Variants in MAN2A2 observed in about 807,000 individuals in gnomAD.
MAN2A2 encodes mannosidase alpha class 2A member 2.
A neutral mutation model predicts 126.8 loss-of-function variants in MAN2A2; 79 were observed. The ratio of observed to expected loss-of-function variants is 0.62; its 90% confidence interval spans 0.52 to 0.75. MAN2A2 has a LOEUF of 0.75. Ranked by LOEUF, MAN2A2 falls within the 30% of genes least tolerant of loss-of-function variation. The probability of loss-of-function intolerance (pLI) is 0.00; values close to 1 mark genes in which losing one functional copy is unlikely to be tolerated. For synonymous variants in MAN2A2, 671 were observed against 618.7 expected, an observed-to-expected ratio of 1.08 and a Z score of -1.25; for missense variants, 1,392 against 1,522.4, an observed-to-expected ratio of 0.91 and a Z score of 1.43.
rs776084626 is a variant in MAN2A2, at chr15:90,912,478, C to G, written c.2347-64C>G. 1.9e-6 allele frequency: 3 copies of G among 1,600,178 alleles called. No homozygotes were observed. The Admixed American group carries it at 5.3e-5, about 28-fold the overall frequency. ...CTCCTTGGGGAAGCTATTCCGTGTC[C>G]TCCCAGGAGGCAGGCCTGACATGCT... On this transcript the variant is annotated intron_variant, in intron 15 of 22. Transcript: ENST00000559717.
Position 90,921,540 on chromosome 15 carries a change from A to C in MAN2A2, c.*1753A>C, listed in dbSNP as rs957970140. The C allele has an allele frequency of 1.3e-5, 2 of 152,220 alleles. No individual in the cohort carries two copies. The highest frequency in any genetic ancestry group is 4.8e-5 in the African/African-American group (2 of 41,442). 9.4% of individuals were successfully genotyped at this position (152,220 alleles called of 1,614,324 possible). The stretch of plus-strand genomic sequence containing the variant: ...CAGAAACAGACCCAGGGCTACAGGA[A>C]TTTAGTATATGGTAAGAGGGATGTT... On this transcript the variant is annotated 3_prime_UTR_variant, in exon 23 of 23. Transcript: ENST00000559717.
chr15:90,916,561 C>G (rs1405527261), intron 20 of MAN2A2: 2 of 1,390,582 alleles, frequency 1.4e-6, no homozygotes, highest in Non-Finnish European at 9.5e-7. Context: ...CCCCGCTCAT[C>G]TCATGGCTTT....
chr15:90,916,332 C>G (rs1212423344), intron 20 of MAN2A2, 76 bp downstream of exon 20: 39 of 1,543,282 alleles, frequency 2.5e-5, no homozygotes, highest in Non-Finnish European at 3.4e-5. Flanking sequence ...CAGCCTAGGG[C>G]TCGAGGAGCG....
intron 9 of MAN2A2, 104 bp downstream of exon 9, chr15:90,909,608 T>G: frequency 1.2e-6 from 1 of 819,524 alleles, no homozygotes; most frequent in South Asian, 2.8e-5. Flanking sequence ...TGCCCCCCTT[T>G]TTTTTTTTTT....
rs1445602642 is a variant in MAN2A2 at position 90,905,724 on chromosome 15, G to C, written c.535+1G>C. The C allele has an allele frequency of 1.2e-6, 2 of 1,613,920 alleles. No individual in the cohort carries two copies. Among genetic ancestry groups the C allele is most frequent in the African/African-American group, 2.7e-5 (2 of 75,036 alleles). Reference sequence around the variant, plus strand: ...GTGCCCCACTCTCACAATGACCCAGGTGAGGGCCCTGCAGACTCCTGGGAG... The same window carrying C: ...GTGCCCCACTCTCACAATGACCCAGCTGAGGGCCCTGCAGACTCCTGGGAG... On this transcript the variant is annotated splice_donor_variant, in intron 4 of 22. Transcript: ENST00000559717. LOFTEE classifies it high-confidence loss of function.
At chr15:90,906,057 G>A (rs1369723524) in intron 5 of MAN2A2, 41 bp downstream of exon 5, 2 of 1,611,430 alleles carry the variant, frequency 1.2e-6, no homozygotes, top group African/African-American at 1.3e-5. Flanking sequence ...CATTGTCTGA[G>A]CCCCAGGCTG....
At chr15:90,916,687 A>C in intron 20 of MAN2A2, 1 of 1,290,058 alleles carries the variant, frequency 7.8e-7, no homozygotes, top group Non-Finnish European at 1.0e-6. Context: ...GGAGCGGGGA[A>C]CTAGTACGAG....
Position 90,904,181 on chromosome 15 carries a change from TC to T in MAN2A2, c.-18-7del, listed in dbSNP as rs747049723. 5 of 1,614,112 alleles carry T rather than the reference TC, an allele frequency of 3.1e-6. No individual in the cohort carries two copies. The East Asian group carries it at 1.1e-4, about 36-fold the overall frequency. ...ATGTTGGAGCTACAGATGGTGTCCTTCCTGCCAGGTGTGTGTGGAGGCCAGT... is the reference window on the plus strand; with the variant it reads ...ATGTTGGAGCTACAGATGGTGTCCTTCTGCCAGGTGTGTGTGGAGGCCAGT... On this transcript the variant is annotated splice_region_variant and splice_polypyrimidine_tract_variant and intron_variant, in intron 1 of 22. Transcript: ENST00000559717.
chr15:90,910,869 C>T lies in MAN2A2; in HGVS notation c.1783C>T (p.Leu595=). 6.2e-7 allele frequency: 1 copy of T among 1,614,154 alleles called. No individual in the cohort carries two copies. Among genetic ancestry groups the T allele is most frequent in the Admixed American group, 1.7e-5 (1 of 60,012 alleles). Residue 595 remains leucine (L), a synonymous_variant, in exon 12 of 23, where the codon CTG becomes TTG. Coordinates refer to ENST00000559717, the MANE Select transcript of MAN2A2 (RefSeq NM_006122.4). ...GVRLLRSLVN[L]KQVIIHAAHY... ...CAGGCTTCTGCGCTCCCTTGTCAACCTGAAGCAGGTCATCATTCATGCAGC... is the reference window on the plus strand; with the variant it reads ...CAGGCTTCTGCGCTCCCTTGTCAACTTGAAGCAGGTCATCATTCATGCAGC...
chr15:90,918,259 C>T lies in MAN2A2; in HGVS notation c.3060C>T (p.Asn1020=), dbSNP rs772236341. The change falls in exon 21 of 23, where the codon AAC becomes AAT. Residue 1020 remains asparagine (N), a synonymous_variant. Transcript: ENST00000559717. ...LLSHLTSMYL[N]APALALPVAR... is the part of the protein sequence containing the mutation. ...GCCACCTGACCTCCATGTACCTGAACGCCCCGGCGCTCGCTCTGCCTGTAG... is the reference window on the plus strand; with the variant it reads ...GCCACCTGACCTCCATGTACCTGAATGCCCCGGCGCTCGCTCTGCCTGTAG... 1.7e-5 allele frequency: 27 copies of T among 1,613,854 alleles called. No individual in the cohort carries two copies. Among genetic ancestry groups the T allele is most frequent in the Middle Eastern group, 1.6e-4 (1 of 6,082 alleles).
At chr15:90,919,531 C>T in intron 22 of MAN2A2, 104 bp from the exon 23 acceptor site, 6 of 1,398,744 alleles carry the variant, frequency 4.3e-6, no homozygotes, top group East Asian at 2.3e-5. Flanking sequence ...GAGCCACTGC[C>T]CCTGGCTGAG....
At position 90,918,279 on chromosome 15, in the gene MAN2A2, C is replaced by G. The variant is rs538221656; in HGVS notation, c.3080C>G (p.Pro1027Arg). Residue 1027 changes from proline (P) to arginine (R), a missense_variant, in exon 21 of 23, where the codon CCT becomes CGT. Physicochemically the swap from Pro to Arg is moderately radical, Grantham distance 103. Coordinates refer to ENST00000559717, the MANE Select transcript of MAN2A2 (RefSeq NM_006122.4). ...MYLNAPALAL[P>R]VARMQLPGPG... ...CTGAACGCCCCGGCGCTCGCTCTGC[C>G]TGTAGCCAGGATGCAGCTCCCAGGC... is the stretch of plus-strand genomic sequence containing the variant. 1.9e-6 allele frequency: 3 copies of G among 1,614,106 alleles called. No individual in the cohort carries two copies. The highest frequency in any genetic ancestry group is 1.7e-6 in the Non-Finnish European group (2 of 1,180,040).
chr15:90,912,598 C>T lies in MAN2A2; in HGVS notation c.2403C>T (p.Val801=). The T allele has an allele frequency of 6.2e-7, 1 of 1,614,184 alleles. No individual in the cohort carries two copies. ...AGCAGGTGGACATGCAGGTCCTTGT[C>T]TATGGCACCCGTACGTCCAAAGACA... ...HEQQVDMQVL[V]YGTRTSKDKS... is the part of the protein sequence containing the mutation. The change falls in exon 16 of 23, where the codon GTC becomes GTT. Residue 801 remains valine (V), a synonymous_variant. Transcript: ENST00000559717.
At chr15:90,916,595 T>A in intron 20 of MAN2A2, 1 of 1,334,110 alleles carries the variant, frequency 7.5e-7, no homozygotes, top group Non-Finnish European at 9.8e-7. Flanking sequence ...GCCTGACTTT[T>A]TCTCCAAACT....
chr15:90,906,026 A>G lies in MAN2A2; in HGVS notation c.707+10A>G. 1 of 1,613,422 alleles carries G rather than the reference A, an allele frequency of 6.2e-7. No individual in the cohort carries two copies. Among genetic ancestry groups the G allele is most frequent in the Non-Finnish European group, 8.5e-7 (1 of 1,179,976 alleles). On this transcript the variant is annotated intron_variant, in intron 5 of 22. Coordinates refer to ENST00000559717, the MANE Select transcript of MAN2A2 (RefSeq NM_006122.4). ...GAGCGGCAGTCCGAAGGCCAGTACCAGGCGGGGAGGCATGGGAGGGCATTG... is the reference window on the plus strand; with the variant it reads ...GAGCGGCAGTCCGAAGGCCAGTACCGGGCGGGGAGGCATGGGAGGGCATTG...
rs772401883 is a variant in MAN2A2 at position 90,909,384 on chromosome 15, C to G, written c.1254C>G (p.Val418=). The change falls in exon 9 of 23, where the codon GTC becomes GTG. Residue 418 remains valine, a synonymous_variant. Transcript: ENST00000559717. ...RKKSQLFRSN[V]LLVPLGDDFR... Reference sequence around the variant, plus strand: ...AGTCCCAGCTGTTCCGAAGCAACGTCCTCCTGGTGCCTCTTGGAGATGACT... The same window carrying G: ...AGTCCCAGCTGTTCCGAAGCAACGTGCTCCTGGTGCCTCTTGGAGATGACT... The G allele has an allele frequency of 6.2e-7, 1 of 1,614,092 alleles. No individual in the cohort carries two copies. Among genetic ancestry groups the G allele is most frequent in the Non-Finnish European group, 8.5e-7 (1 of 1,179,946 alleles).
At chr15:90,916,384 C>T (rs11857741) in intron 20 of MAN2A2, 128 bp downstream of exon 20, 1 of 1,311,490 alleles carries the variant, frequency 7.6e-7, no homozygotes, top group South Asian at 1.4e-5. Flanking sequence ...GGCTGAATTC[C>T]TGGGGTGGGG....
rs867474436 is a variant in MAN2A2 at position 90,907,135 on chromosome 15, G to T, written c.1010-174G>T. ...GGGCTTCAGCGTGCCCTGTGTGCCC[G>T]TCCCCTGAGGGAGCCCCTCATGTCT... On this transcript the variant is annotated intron_variant, in intron 7 of 22. Transcript: ENST00000559717. 2.4e-5 allele frequency: 20 copies of T among 816,384 alleles called. No homozygotes were observed. In the Middle Eastern group the frequency reaches 1.0e-3, roughly 41 times the overall value. The allele number at this position is 816,384 out of a possible 1,614,324, so 50.6% of individuals were successfully genotyped here. A position where few individuals can be genotyped will look rare whatever the true frequency, so the allele number is the denominator to read the frequency against.
rs374689013 is a variant in MAN2A2 at position 90,912,235 on chromosome 15, C to G, written c.2302C>G (p.Arg768Gly). The change falls in exon 15 of 23, where the codon CGC becomes GGC. Residue 768 changes from arginine to glycine, a missense_variant. Transcript: ENST00000559717. ...CACCAGCGACTTCGCCCTCAGCAAC[C>G]GCTACATGCAGGTCTGGTTCTCAGG... Reference protein sequence around the residue: ...SGTSDFALSNRYMQVWFSGLT... With the variant: ...SGTSDFALSNGYMQVWFSGLT... 2 of 1,614,132 alleles carry G rather than the reference C, an allele frequency of 1.2e-6. No individual in the cohort carries two copies. The highest frequency in any genetic ancestry group is 1.7e-6 in the Non-Finnish European group (2 of 1,180,056).
Sources: allele counts gnomAD v4.1 joint callset, GRCh38; gene constraint gnomAD v4.1.1; transcripts MANE v1.5; gene names NCBI Gene and HGNC (gene_info 2026-07-23, HGNC 2026-07-21).